Variants in LINGO2 observed in about 807,000 individuals in gnomAD.
LINGO2 encodes leucine rich repeat and Ig domain containing 2.
LINGO2 carries 14 observed loss-of-function variants against 30.6 expected under a neutral mutation model. The observed-to-expected ratio is 0.46, with a 90% CI of 0.30 to 0.72. The LOEUF (loss-of-function observed/expected upper bound fraction) is 0.72. LINGO2 is among the 30% of genes least tolerant of loss of function. The probability of loss-of-function intolerance (pLI) is 0.07; values close to 1 mark genes in which losing one functional copy is unlikely to be tolerated. For synonymous variants in LINGO2, 317 were observed against 288.5 expected (o/e 1.10, Z -1.00); for missense variants, 729 against 751.7 (o/e 0.97, Z 0.35).
chr9:29,153,358 T>C, the LINGO2 span, among the ~76,000 whole-genome samples: 1 of 152,184 alleles, frequency 6.6e-6, no homozygotes, highest in East Asian at 1.9e-4. Flanking sequence ...ACATGACTCA[T>C]TCCAATGAAT....
chr9:27,957,982 T>C (rs1819659722), intron 5 of LINGO2, among the ~76,000 whole-genome samples: 1 of 152,212 alleles, frequency 6.6e-6, no homozygotes, highest in African/African-American at 2.4e-5. Context: ...TAGTACCTCT[T>C]GTACAATGTC....
chr9:28,693,394 C>T, the LINGO2 span, among the ~76,000 whole-genome samples: 1 of 152,136 alleles, frequency 6.6e-6, no homozygotes. Context: ...ATTTATTGCA[C>T]TGCTCTCATC....
At chr9:28,035,640 CTTTT>C (rs1226241932) in intron 4 of LINGO2, among the ~76,000 whole-genome samples, 1 of 152,138 alleles carries the variant, frequency 6.6e-6, no homozygotes, top group African/African-American at 2.4e-5. Context: ...ATCTTGTTGA[CTTTT>C]GTTTCAGAGA....
At chr9:28,008,078 C>T (rs906698823) in intron 5 of LINGO2, among the ~76,000 whole-genome samples, 27 of 152,154 alleles carry the variant, frequency 1.8e-4, no homozygotes, top group African/African-American at 5.8e-4. Flanking sequence ...ATGGAGGCTC[C>T]CGTCTTACAT....
chr9:28,879,860 A>AT, the LINGO2 span, among the ~76,000 whole-genome samples: 3 of 151,908 alleles, frequency 2.0e-5, no homozygotes, highest in Non-Finnish European at 4.4e-5. Context: ...AAAGAAAAAA[A>AT]AGTGGTAGAA....
At chr9:28,484,799 A>G (rs1826106748) in intron 1 of LINGO2, among the ~76,000 whole-genome samples, 1 of 152,210 alleles carries the variant, frequency 6.6e-6, no homozygotes, top group South Asian at 2.1e-4. Flanking sequence ...TAAAAATTCA[A>G]CTTTAAGTCT....
chr9:28,481,768 C>T (rs1216271155), intron 1 of LINGO2, among the ~76,000 whole-genome samples: 1 of 148,652 alleles, frequency 6.7e-6, no homozygotes, highest in East Asian at 2.0e-4. Flanking sequence ...TGCTATCCCT[C>T]CCTCCTCCCC....
chr9:28,020,098 T>C (rs1257353689), intron 4 of LINGO2, among the ~76,000 whole-genome samples: 3 of 152,220 alleles, frequency 2.0e-5, no homozygotes, highest in African/African-American at 4.8e-5. Context: ...ATGATGCTTA[T>C]GGTCACTTCC....
chr9:28,301,134 G>C (rs1412407426), intron 3 of LINGO2, among the ~76,000 whole-genome samples: 2 of 152,138 alleles, frequency 1.3e-5, no homozygotes, highest in Non-Finnish European at 2.9e-5. Flanking sequence ...TTGACAAGGA[G>C]CCAGAGAGCC....
At chr9:28,805,345 T>C in the LINGO2 span, among the ~76,000 whole-genome samples, 2 of 152,178 alleles carry the variant, frequency 1.3e-5, no homozygotes, top group Admixed American at 1.3e-4. Context: ...TGTCACTAAG[T>C]GGCTCTGTGG....
At chr9:28,283,747 T>C (rs1020055793) in intron 4 of LINGO2, among the ~76,000 whole-genome samples, 1 of 152,156 alleles carries the variant, frequency 6.6e-6, no homozygotes, top group African/African-American at 2.4e-5. Context: ...CATACCTTTG[T>C]ATAAAATACC....
the LINGO2 span, among the ~76,000 whole-genome samples, chr9:28,924,470 C>T: frequency 6.6e-6 from 1 of 152,178 alleles, no homozygotes; most frequent in Non-Finnish European, 1.5e-5. Context: ...ATCCGCCAGC[C>T]TCAGTCTCCC....
At chr9:29,095,458 C>A in the LINGO2 span, among the ~76,000 whole-genome samples, 1 of 137,540 alleles carries the variant, frequency 7.3e-6, no homozygotes, top group African/African-American at 2.7e-5. Context: ...ATAAACACAA[C>A]AAAACACCTG....
the LINGO2 span, among the ~76,000 whole-genome samples, chr9:29,066,493 G>A: frequency 6.6e-6 from 1 of 151,932 alleles, no homozygotes; most frequent in Non-Finnish European, 1.5e-5. Context: ...AAGGTACTCA[G>A]TGTATTTGCG....
chr9:28,360,934 C>T (rs1820414328), intron 3 of LINGO2, among the ~76,000 whole-genome samples: 2 of 152,100 alleles, frequency 1.3e-5, no homozygotes, highest in South Asian at 4.2e-4. Flanking sequence ...TACAATAGTC[C>T]CCCCCTTATT....
intron 1 of LINGO2, among the ~76,000 whole-genome samples, chr9:28,563,225 G>C (rs866403634): frequency 4.6e-5 from 7 of 152,040 alleles, no homozygotes; most frequent in African/African-American, 1.7e-4. Flanking sequence ...CAAAACCTCA[G>C]AACTAATAAA....
intron 4 of LINGO2, among the ~76,000 whole-genome samples, chr9:28,016,682 TAA>T (rs72138034): frequency 0.1 from 11,671 of 115,362 alleles, 584 homozygotes; most frequent in Admixed American, 0.14. Context: ...ATTAAACCAG[TAA>T]AAAAAAAAAA....
chr9:29,092,225 G>A, the LINGO2 span, among the ~76,000 whole-genome samples: 64 of 152,024 alleles, frequency 4.2e-4, 1 homozygote, highest in East Asian at 0.012. Context: ...CAAAAGCCTC[G>A]TAACTATAAA....
the LINGO2 span, among the ~76,000 whole-genome samples, chr9:29,091,212 G>A: frequency 6.6e-6 from 1 of 151,986 alleles, no homozygotes; most frequent in African/African-American, 2.4e-5. Flanking sequence ...AAAAGTAAAA[G>A]CAACAAACGA....
Sources: gnomAD v4.1 joint callset for allele counts (sites outside exome capture counted in the v4.1 genomes callset) on GRCh38, gnomAD v4.1.1 for gene constraint, MANE v1.5 for transcripts, NCBI Gene and HGNC (gene_info 2026-07-23, HGNC 2026-07-21) for gene names.